Variants in GSE1 observed in about 807,000 individuals in gnomAD.
GSE1 encodes genetic suppressor element 1.
A neutral mutation model predicts 112.6 loss-of-function variants in GSE1; 32 were observed. The observed-to-expected ratio is 0.28, with a 90% confidence interval of 0.21 to 0.38. The LOEUF (loss-of-function observed/expected upper bound fraction) is 0.38, where lower values mean the gene tolerates loss of function less well. Among genes scored for constraint, GSE1 ranks in the 10% least tolerant of loss-of-function variants. The pLI, the probability that GSE1 is intolerant of heterozygous loss-of-function variation, is 1.00. For missense variants in GSE1, 2,348 were observed against 1,699.2 expected, an observed-to-expected ratio of 1.38 and a Z score of -6.71; for synonymous variants, 1,115 against 735.6, an observed-to-expected ratio of 1.52 and a Z score of -8.35.
chr16:85,543,117 CAGG>C (rs2044579393), intron 2 of GSE1, among the ~76,000 whole-genome samples: 1 of 149,584 alleles, frequency 6.7e-6, no homozygotes, highest in Admixed American at 6.8e-5. Flanking sequence ...GAGGCTGAGG[CAGG>C]AGAATTGCTT....
At chr16:85,304,150 C>T (rs2151466627) in intron 1 of GSE1, among the ~76,000 whole-genome samples, 1 of 152,364 alleles carries the variant, frequency 6.6e-6, no homozygotes, top group East Asian at 1.9e-4. Context: ...GCACCGCATC[C>T]CATTGCCAGG....
chr16:85,308,857 T>C (rs1359406225), intron 1 of GSE1, among the ~76,000 whole-genome samples: 4 of 148,084 alleles, frequency 2.7e-5, no homozygotes, highest in Non-Finnish European at 5.9e-5. Flanking sequence ...ACAGGAGAAA[T>C]TCCTCCCAGC....
exon 1 of GSE1, chr16:85,171,326 G>C: frequency 1.0e-6 from 1 of 985,550 alleles, no homozygotes; most frequent in Non-Finnish European, 1.2e-6. Context: ...GCTGAGCTGG[G>C]CCCCGGGAAG....
At chr16:85,267,809 A>G (rs1908409785) in intron 1 of GSE1, among the ~76,000 whole-genome samples, 1 of 152,180 alleles carries the variant, frequency 6.6e-6, no homozygotes, top group South Asian at 2.1e-4. Flanking sequence ...CTCTTACTGT[A>G]TAGGAGGCAG....
chr16:85,630,256 T>C (rs770730186), intron 1 of GSE1, among the ~76,000 whole-genome samples: 8 of 152,350 alleles, frequency 5.3e-5, no homozygotes, highest in African/African-American at 1.9e-4. Flanking sequence ...TTATACTCTG[T>C]TCATCAGAAG....
intron 2 of GSE1, among the ~76,000 whole-genome samples, chr16:85,410,204 C>CT (rs1255970659): frequency 2.7e-5 from 1 of 36,568 alleles, no homozygotes; most frequent in African/African-American, 1.7e-4. Flanking sequence ...CTCAGGCCCC[C>CT]GGATAATCCT....
upstream of GSE1, among the ~76,000 whole-genome samples, chr16:85,608,272 C>T (rs1317258431): frequency 6.6e-6 from 1 of 152,130 alleles, no homozygotes; most frequent in African/African-American, 2.4e-5. Context: ...GCTGGGCAGC[C>T]TTCCACCCCT....
At chr16:85,559,937 C>T (rs1303946228) in intron 1 of GSE1, among the ~76,000 whole-genome samples, 1 of 152,118 alleles carries the variant, frequency 6.6e-6, no homozygotes, top group African/African-American at 2.4e-5. Context: ...TGGTCCTGGA[C>T]AGAGAAAGTT....
chr16:85,294,103 C>G (rs2045296242), intron 1 of GSE1, among the ~76,000 whole-genome samples: 1 of 152,224 alleles, frequency 6.6e-6, no homozygotes, highest in South Asian at 2.1e-4. Flanking sequence ...CATAGCCTGG[C>G]TCCCCGCAAC....
chr16:85,239,889 C>T (rs1247766912), intron 1 of GSE1, among the ~76,000 whole-genome samples: 1 of 152,220 alleles, frequency 6.6e-6, no homozygotes, highest in Non-Finnish European at 1.5e-5. Flanking sequence ...GATTTGCCAC[C>T]TTAGGTCTGG....
chr16:85,667,309 C>G (rs1049079931), intron 13 of GSE1, among the ~76,000 whole-genome samples: 2 of 150,324 alleles, frequency 1.3e-5, no homozygotes, highest in South Asian at 2.1e-4. Flanking sequence ...CCAGTTTGAG[C>G]CAAGTCACTC....
At chr16:85,556,965 C>A (rs1598170941) in intron 1 of GSE1, among the ~76,000 whole-genome samples, 1 of 152,002 alleles carries the variant, frequency 6.6e-6, no homozygotes, top group Admixed American at 6.5e-5. Context: ...CCTTCCTGCG[C>A]GGTGACAGCC....
At chr16:85,348,410 G>T (rs997265970) in intron 1 of GSE1, among the ~76,000 whole-genome samples, 5 of 152,174 alleles carry the variant, frequency 3.3e-5, no homozygotes, top group African/African-American at 1.2e-4. Context: ...CTTTGCGGAG[G>T]AGGAAGCTGA....
chr16:85,661,497 C>A lies in GSE1; in HGVS notation c.1992C>A (p.His664Gln). 6.2e-7 allele frequency: 1 copy of A among 1,612,006 alleles called. No individual in the cohort carries two copies. Among genetic ancestry groups the A allele is most frequent in the African/African-American group, 1.3e-5 (1 of 75,052 alleles). The change falls in exon 9 of 16, where the codon CAC (histidine) becomes CAA (glutamine). Residue 664 changes from histidine (H) to glutamine (Q), a missense_variant. Transcript: ENST00000253458. The part of the protein sequence containing the change: ...PPPREGGSLE[H>Q]QPFLPGPGPF... Reference sequence around the variant, plus strand: ...CACGAGAGGGAGGGAGCCTGGAGCACCAGCCCTTCCTGCCCGGGCCCGGGC... The same window carrying A: ...CACGAGAGGGAGGGAGCCTGGAGCAACAGCCCTTCCTGCCCGGGCCCGGGC...
At chr16:85,332,402 C>G (rs928661759) in intron 1 of GSE1, among the ~76,000 whole-genome samples, 2 of 152,204 alleles carry the variant, frequency 1.3e-5, no homozygotes, top group Non-Finnish European at 2.9e-5. Flanking sequence ...ACTGAATCCT[C>G]CAGCAACCCT....
At chr16:85,640,861 C>A (rs537172832) in intron 2 of GSE1, among the ~76,000 whole-genome samples, 1 of 152,246 alleles carries the variant, frequency 6.6e-6, no homozygotes, top group Admixed American at 6.5e-5. Flanking sequence ...GGTGTGAGCG[C>A]CGCGGGCGTC....
chr16:85,342,919 G>A (rs560913095), intron 1 of GSE1, among the ~76,000 whole-genome samples: 30 of 151,190 alleles, frequency 2.0e-4, no homozygotes, highest in Non-Finnish European at 3.5e-4. Context: ...AAGAGGGGGT[G>A]CCGCTGAAAA....
At chr16:85,565,502 C>T (rs2045708449) in intron 1 of GSE1, among the ~76,000 whole-genome samples, 1 of 152,160 alleles carries the variant, frequency 6.6e-6, no homozygotes, top group African/African-American at 2.4e-5. Flanking sequence ...CCCTGAGAAG[C>T]CCCCAGAGCT....
At chr16:85,227,967 G>A (rs1396468260) in intron 1 of GSE1, among the ~76,000 whole-genome samples, 1 of 152,208 alleles carries the variant, frequency 6.6e-6, no homozygotes, top group African/African-American at 2.4e-5. Context: ...GAGTGAAACA[G>A]GGAATACCTC....
Sources: gnomAD v4.1 joint callset for allele counts (sites outside exome capture counted in the v4.1 genomes callset) on GRCh38, gnomAD v4.1.1 for gene constraint, MANE v1.5 for transcripts, NCBI Gene and HGNC (gene_info 2026-07-23, HGNC 2026-07-21) for gene names.